The following KCNT2 variants were observed in gnomAD, a reference collection of about 807,000 sequenced individuals.
The protein encoded by KCNT2 is potassium channel subfamily T member 2.
A neutral mutation model predicts 153.8 loss-of-function variants in KCNT2; 67 were observed. The ratio of observed to expected loss-of-function variants is 0.44; its 90% CI spans 0.36 to 0.53. KCNT2 has a LOEUF of 0.53. KCNT2 is among the 20% of genes least tolerant of loss of function. The pLI is 0.00. For synonymous variants in KCNT2, 500 were observed against 458.8 expected, an observed-to-expected ratio of 1.09 and a Z score of -1.15; for missense variants, 975 against 1,354.8, an observed-to-expected ratio of 0.72 and a Z score of 4.40.
intron 23 of KCNT2, among the ~76,000 whole-genome samples, chr1:196,283,324 C>G (rs914086172): frequency 6.6e-6 from 1 of 151,952 alleles, no homozygotes; most frequent in Non-Finnish European, 1.5e-5. Flanking sequence ...ACCTGTAGTC[C>G]CAGCTACTTG....
At chr1:196,439,671 T>C (rs1428525112) in intron 8 of KCNT2, among the ~76,000 whole-genome samples, 3 of 152,010 alleles carry the variant, frequency 2.0e-5, no homozygotes, top group Admixed American at 2.0e-4. Context: ...GAATTTAACA[T>C]TCCTATTAGA....
chr1:196,503,721 G>C (rs950967776), intron 1 of KCNT2, among the ~76,000 whole-genome samples: 1 of 152,148 alleles, frequency 6.6e-6, no homozygotes, highest in Non-Finnish European at 1.5e-5. Context: ...AGAGTTATTT[G>C]TATGAAACTG....
intron 8 of KCNT2, among the ~76,000 whole-genome samples, chr1:196,435,124 T>C (rs1456635529): frequency 1.6e-5 from 1 of 63,214 alleles, no homozygotes; most frequent in Non-Finnish European, 3.8e-5. Context: ...TAGATACTTA[T>C]GTGTGTGTGT....
intron 1 of KCNT2, among the ~76,000 whole-genome samples, chr1:196,553,557 C>T (rs1658234975): frequency 1.3e-5 from 2 of 150,974 alleles, no homozygotes; most frequent in South Asian, 4.2e-4. Context: ...TTAAACACAT[C>T]ACTTTCAGCA....
At chr1:196,447,006 G>T (rs2148606455) in intron 8 of KCNT2, among the ~76,000 whole-genome samples, 1 of 151,600 alleles carries the variant, frequency 6.6e-6, no homozygotes, top group East Asian at 2.0e-4. Context: ...AGTATGAAAA[G>T]AATAATATAG....
At chr1:196,593,311 T>TACAC (rs869080667) in intron 1 of KCNT2, among the ~76,000 whole-genome samples, 114 of 140,204 alleles carry the variant, frequency 8.1e-4, no homozygotes, top group African/African-American at 1.9e-3. Flanking sequence ...TATATATATA[T>TACAC]ACACACACAC....
intron 1 of KCNT2, among the ~76,000 whole-genome samples, chr1:196,535,607 G>T (rs1655446474): frequency 6.6e-6 from 1 of 152,126 alleles, no homozygotes; most frequent in Admixed American, 6.5e-5. Context: ...ATGACTATAT[G>T]AAATGTCAGG....
chr1:196,381,124 A>C (rs1169874993), intron 13 of KCNT2, among the ~76,000 whole-genome samples: 1 of 152,132 alleles, frequency 6.6e-6, no homozygotes, highest in African/African-American at 2.4e-5. Context: ...CACAAGTAAA[A>C]AGCACGTTTC....
chr1:196,239,959 CATCTGTCAGCAA>C (rs1654801876), intron 26 of KCNT2, among the ~76,000 whole-genome samples: 1 of 151,984 alleles, frequency 6.6e-6, no homozygotes, highest in African/African-American at 2.4e-5. Flanking sequence ...AGAAGGCAGC[CATCTGTCAGCAA>C]ACATGAGAGG....
chr1:196,253,502 C>T (rs189401423), intron 26 of KCNT2, among the ~76,000 whole-genome samples: 4 of 151,372 alleles, frequency 2.6e-5, no homozygotes, highest in Admixed American at 6.6e-5. Flanking sequence ...CTGTGTTTTC[C>T]GAATCTGTTT....
chr1:196,454,368 C>T lies in KCNT2; in HGVS notation c.638+10925G>A, dbSNP rs140928273. Among the ~76,000 whole-genome samples the T allele has an allele frequency of 2.7e-3, 415 of 151,924 alleles. 2 individuals are homozygous for T. Among genetic ancestry groups the T allele is most frequent in the Non-Finnish European group, 2.9e-3 (199 of 67,894 alleles). On this transcript the variant is annotated intron_variant, in intron 8 of 27. Transcript: ENST00000294725. ...AACAGGTAGTTTTTCAGCCCTTGCC[C>T]TCCTTCCCCTCTTTCTCCTCTAGCA...
At chr1:196,389,647 G>A (rs572169081) in intron 13 of KCNT2, among the ~76,000 whole-genome samples, 1 of 151,692 alleles carries the variant, frequency 6.6e-6, no homozygotes, top group South Asian at 2.1e-4. Context: ...TAGATCAAGT[G>A]GATATCTTCA....
At chr1:196,380,406 T>C (rs1669376147) in intron 13 of KCNT2, among the ~76,000 whole-genome samples, 1 of 152,194 alleles carries the variant, frequency 6.6e-6, no homozygotes, top group Non-Finnish European at 1.5e-5. Flanking sequence ...AAAAATAAAA[T>C]TGATAGTTAC....
chr1:196,393,121 T>G (rs1030280124), intron 13 of KCNT2, among the ~76,000 whole-genome samples: 1 of 151,472 alleles, frequency 6.6e-6, no homozygotes, highest in African/African-American at 2.4e-5. Flanking sequence ...AAGGGTAGCC[T>G]CTGGACTAAA....
rs11581034 is a variant in KCNT2 at position 196,343,276 on chromosome 1, C to T, written c.1404-1048G>A. On this transcript the variant is annotated intron_variant, in intron 14 of 27. Coordinates refer to ENST00000294725, the MANE Select transcript of KCNT2 (RefSeq NM_198503.5). Reference sequence around the variant, plus strand: ...TTTTGTTCTGGAACGTTCTGCGCTGCCCGCCTAACTCAGTGGCTTTAGAAA... The same window carrying T: ...TTTTGTTCTGGAACGTTCTGCGCTGTCCGCCTAACTCAGTGGCTTTAGAAA... 5.1e-3 allele frequency among the ~76,000 whole-genome samples: 775 copies of T among 152,274 alleles called. 5 individuals are homozygous for T. The highest frequency in any genetic ancestry group is 0.014 in the Middle Eastern group (4 of 294).
chr1:196,603,030 C>A (rs1558127558), intron 1 of KCNT2, among the ~76,000 whole-genome samples: 2 of 151,856 alleles, frequency 1.3e-5, no homozygotes, highest in Non-Finnish European at 2.9e-5. Flanking sequence ...TCATGATCCA[C>A]CCGCCTCGGC....
intron 13 of KCNT2, among the ~76,000 whole-genome samples, chr1:196,376,295 G>A (rs1668962387): frequency 6.6e-6 from 1 of 151,662 alleles, no homozygotes; most frequent in African/African-American, 2.4e-5. Context: ...ATTTTAGAAA[G>A]GCAATATGTT....
At chr1:196,481,665 G>C (rs566308176) in intron 4 of KCNT2, among the ~76,000 whole-genome samples, 4 of 152,196 alleles carry the variant, frequency 2.6e-5, no homozygotes, top group African/African-American at 9.6e-5. Context: ...AAGTAGAGGC[G>C]ATAGAAACTT....
intron 14 of KCNT2, among the ~76,000 whole-genome samples, chr1:196,351,852 A>C (rs1666734343): frequency 6.6e-6 from 1 of 152,140 alleles, no homozygotes; most frequent in South Asian, 2.1e-4. Flanking sequence ...TGTCATAGAT[A>C]GCTCTTATTA....
Sources: gnomAD v4.1 joint callset for allele counts (sites outside exome capture counted in the v4.1 genomes callset) on GRCh38, gnomAD v4.1.1 for gene constraint, MANE v1.5 for transcripts, NCBI Gene and HGNC (gene_info 2026-07-23, HGNC 2026-07-21) for gene names.